GLIS3: variants seen among roughly 807,000 people sequenced by gnomAD.
The protein encoded by GLIS3 is zinc finger protein GLIS3.
In GLIS3, 53 loss-of-function variants were observed where a neutral mutation model predicts 78.6. The ratio of observed to expected loss-of-function variants is 0.67; its 90% confidence interval spans 0.54 to 0.85. The LOEUF (loss-of-function observed/expected upper bound fraction) is 0.85, where lower values mean the gene tolerates loss of function less well. Among genes scored for constraint, GLIS3 ranks in the 40% least tolerant of loss-of-function variants. The pLI, the probability that GLIS3 is intolerant of heterozygous loss-of-function variation, is 0.00. For synonymous variants in GLIS3, 684 were observed against 509.9 expected (o/e 1.34, Z -4.60); for missense variants, 1,703 against 1,231.1 (o/e 1.38, Z -5.74).
At chr9:4,461,286 A>G in the GLIS3 span, among the ~76,000 whole-genome samples, 55 of 152,334 alleles carry the variant, frequency 3.6e-4, no homozygotes, top group South Asian at 2.7e-3. Context: ...AGATGGATCA[A>G]TGCCCATGAT....
chr9:3,867,660 C>CTGTACTGCTCACAACATTGAGATCAGGA (rs1370860586), intron 8 of GLIS3, among the ~76,000 whole-genome samples: 3 of 152,184 alleles, frequency 2.0e-5, no homozygotes, highest in Non-Finnish European at 4.4e-5. Flanking sequence ...TTTTCTGCCT[C>CTGTACTGCTCACAACATTGAGATCAGGA]TGTACTGCTC....
chr9:3,961,828 A>G (rs1817577198), intron 4 of GLIS3, among the ~76,000 whole-genome samples: 1 of 152,240 alleles, frequency 6.6e-6, no homozygotes, highest in African/African-American at 2.4e-5. Flanking sequence ...GCTAAAGGGT[A>G]CCACTTAATA....
intron 4 of GLIS3, among the ~76,000 whole-genome samples, chr9:4,027,346 C>T (rs1371053342): frequency 1.3e-5 from 2 of 152,190 alleles, no homozygotes; most frequent in African/African-American, 4.8e-5. Context: ...TTATTCACAG[C>T]AGGAGTTTTG....
intron 4 of GLIS3, among the ~76,000 whole-genome samples, chr9:4,094,467 T>C (rs988582994): frequency 3.9e-5 from 6 of 152,348 alleles, no homozygotes; most frequent in East Asian, 1.9e-4. Context: ...GCCAGTGCTA[T>C]AAAGGTCAAA....
chr9:3,861,896 T>A (rs1265041068), intron 8 of GLIS3, among the ~76,000 whole-genome samples: 1 of 152,192 alleles, frequency 6.6e-6, no homozygotes, highest in African/African-American at 2.4e-5. Flanking sequence ...TGTTTACTTC[T>A]GTAACAAACC....
At chr9:3,932,298 G>C in intron 6 of GLIS3, 62 bp downstream of exon 6, 3 of 1,268,694 alleles carry the variant, frequency 2.4e-6, no homozygotes, top group Non-Finnish European at 3.5e-6. Context: ...CAGAAGCTTC[G>C]TGTACTACAA....
chr9:4,123,672 A>G (rs902552533), intron 3 of GLIS3: 1 of 392,612 alleles, frequency 2.5e-6, no homozygotes, highest in African/African-American at 2.1e-5. Context: ...GTAATTAAAA[A>G]CTATGTAGAT....
At chr9:4,410,753 G>C in the GLIS3 span, among the ~76,000 whole-genome samples, 1 of 152,134 alleles carries the variant, frequency 6.6e-6, no homozygotes, top group African/African-American at 2.4e-5. Context: ...GGTACTCTTT[G>C]GCAAAATTTA....
chr9:4,319,218 T>G (rs1817483637), intron 2 of GLIS3, among the ~76,000 whole-genome samples: 1 of 152,244 alleles, frequency 6.6e-6, no homozygotes. Flanking sequence ...ATTGCATTAA[T>G]CCTGAATTTG....
chr9:4,275,168 G>A lies in GLIS3; in HGVS notation c.388+10870C>T, dbSNP rs546949595. Among the ~76,000 whole-genome samples, 8 of 152,218 alleles carry A rather than the reference G, an allele frequency of 5.3e-5. No homozygotes were observed. The South Asian group carries it at 1.0e-3, about 20-fold the overall frequency. On this transcript the variant is annotated intron_variant, in intron 2 of 10. Transcript: ENST00000381971. ...CTTATGCATATACCGATGTCACTCA[G>A]GTGGCCACACAAAAGGCTGCCTAAC... is the stretch of plus-strand genomic sequence containing the variant.
chr9:4,445,611 G>A, the GLIS3 span, among the ~76,000 whole-genome samples: 1 of 152,146 alleles, frequency 6.6e-6, no homozygotes, highest in Non-Finnish European at 1.5e-5. Flanking sequence ...TCCCACCTGG[G>A]TGACAGAGCA....
At chr9:4,284,091 G>A (rs985197563) in intron 2 of GLIS3, among the ~76,000 whole-genome samples, 3 of 152,220 alleles carry the variant, frequency 2.0e-5, no homozygotes, top group African/African-American at 7.2e-5. Flanking sequence ...TACAGCCACT[G>A]CTGACCGCCA....
In GLIS3 at chr9:4,328,211, G is replaced by A. The variant is rs184219797; in HGVS notation, n.265-17683C>T. ...ACCCGAGACTGACTAACCCTTTGCAGCTTCAGAGGGCAGGAACAAGAGAAC... is the reference window on the plus strand; with the variant it reads ...ACCCGAGACTGACTAACCCTTTGCAACTTCAGAGGGCAGGAACAAGAGAAC... On this transcript the variant is annotated intron_variant and non_coding_transcript_variant, in intron 2 of 4. Coordinates refer to the GLIS3 transcript ENST00000471664. Among the ~76,000 whole-genome samples, 3 of 152,278 alleles carry A rather than the reference G, an allele frequency of 2.0e-5. No individual in the cohort carries two copies. In the East Asian group the frequency reaches 5.8e-4, roughly 29 times the overall value.
At chr9:4,182,256 T>A (rs1817396989) in intron 2 of GLIS3, among the ~76,000 whole-genome samples, 1 of 152,302 alleles carries the variant, frequency 6.6e-6, no homozygotes, top group South Asian at 2.1e-4. Context: ...TGTAAAAAAT[T>A]TTTTTGGAAT....
chr9:4,370,304 G>C, the GLIS3 span, among the ~76,000 whole-genome samples: 2 of 151,980 alleles, frequency 1.3e-5, no homozygotes. Flanking sequence ...TCAGATGAGT[G>C]AGCAGCATCA....
the GLIS3 span, among the ~76,000 whole-genome samples, chr9:4,375,622 T>C: frequency 1.3e-5 from 2 of 152,316 alleles, no homozygotes; most frequent in South Asian, 2.1e-4. Context: ...AACAACTAAG[T>C]AGAACTACAC....
chr9:3,889,281 C>G (rs1822271945), intron 7 of GLIS3, among the ~76,000 whole-genome samples: 1 of 152,150 alleles, frequency 6.6e-6, no homozygotes, highest in African/African-American at 2.4e-5. Flanking sequence ...TGTCTTCTTG[C>G]AATTTGTTGC....
chr9:4,391,712 T>G, the GLIS3 span, among the ~76,000 whole-genome samples: 1 of 152,194 alleles, frequency 6.6e-6, no homozygotes, highest in Admixed American at 6.5e-5. Flanking sequence ...GTACTGTCAA[T>G]AGGGATTTGG....
chr9:4,456,124 G>T, the GLIS3 span, among the ~76,000 whole-genome samples: 2 of 152,026 alleles, frequency 1.3e-5, no homozygotes, highest in African/African-American at 4.8e-5. Context: ...AAAAAAAGTT[G>T]TGTTTACACT....
Sources: gnomAD v4.1 joint callset for allele counts (sites outside exome capture counted in the v4.1 genomes callset) on GRCh38, gnomAD v4.1.1 for gene constraint, MANE v1.5 for transcripts, NCBI Gene and HGNC (gene_info 2026-07-23, HGNC 2026-07-21) for gene names.